Variants in RRP1 observed in about 807,000 individuals in gnomAD.
RRP1 encodes ribosomal RNA processing 1.
Under a neutral mutation model 54.6 loss-of-function variants are expected in RRP1, and 37 were observed. The ratio of observed to expected loss-of-function variants is 0.68; its 90% CI spans 0.52 to 0.89. RRP1 has a LOEUF of 0.89. RRP1 is among the 40% of genes least tolerant of loss of function. The pLI is 0.00. For synonymous variants in RRP1, 262 were observed against 244.3 expected (o/e 1.07, Z -0.67); for missense variants, 639 against 612.5 (o/e 1.04, Z -0.46).
intron 7 of RRP1, 102 bp from the exon 8 acceptor site, chr21:43,797,805 C>T (rs141638224): frequency 3.8e-5 from 59 of 1,565,170 alleles, no homozygotes; most frequent in South Asian, 1.0e-4. Context: ...TCAGAGTGGC[C>T]GCTGGCCGTG....
Sources: allele counts gnomAD v4.1 joint callset, GRCh38; gene constraint gnomAD v4.1.1; transcripts MANE v1.5; gene names NCBI Gene and HGNC (gene_info 2026-07-23, HGNC 2026-07-21).